Variants in DAAM1 observed in about 807,000 individuals in gnomAD.
The protein encoded by DAAM1 is dishevelled associated activator of morphogenesis 1, also known as disheveled-associated activator of morphogenesis 1.
Under a neutral mutation model 130.0 loss-of-function variants are expected in DAAM1, and 52 were observed. The ratio of observed to expected loss-of-function variants is 0.40; its 90% CI spans 0.32 to 0.50. DAAM1 has a LOEUF of 0.50. DAAM1 is among the 20% of genes least tolerant of loss of function. The probability of loss-of-function intolerance (pLI) is 0.61; values close to 1 mark genes in which losing one functional copy is unlikely to be tolerated. For synonymous variants in DAAM1, 452 were observed against 444.5 expected, an observed-to-expected ratio of 1.02 and a Z score of -0.21; for missense variants, 1,134 against 1,303.8, an observed-to-expected ratio of 0.87 and a Z score of 2.01.
At chr14:59,228,370 C>G (rs1889005511) in intron 1 of DAAM1, among the ~76,000 whole-genome samples, 1 of 152,130 alleles carries the variant, frequency 6.6e-6, no homozygotes, top group Admixed American at 6.6e-5. Context: ...AGAAATGATA[C>G]TCTTGCCCAG....
At chr14:59,207,665 GT>G (rs1260940193) in intron 1 of DAAM1, among the ~76,000 whole-genome samples, 1 of 152,188 alleles carries the variant, frequency 6.6e-6, no homozygotes, top group African/African-American at 2.4e-5. Flanking sequence ...AATGAAATTA[GT>G]TTTGAACTCA....
At position 59,369,055 on chromosome 14, in the gene DAAM1, G is replaced by A; in HGVS notation, c.*196G>A. ...TATAGATGTCTGAGTGTTGTCTGGAGACCTATACGTATGGTTAAAAAGATT... is the reference window on the plus strand; with the variant it reads ...TATAGATGTCTGAGTGTTGTCTGGAAACCTATACGTATGGTTAAAAAGATT... On this transcript the variant is annotated 3_prime_UTR_variant, in exon 25 of 25. Transcript: ENST00000360909. The A allele has an allele frequency of 7.2e-6, 4 of 557,788 alleles. No homozygotes were observed. Among genetic ancestry groups the A allele is most frequent in the Non-Finnish European group, 1.3e-5 (4 of 317,932 alleles). 34.6% of individuals were successfully genotyped at this position (557,788 alleles called of 1,614,324 possible).
chr14:59,291,377 A>G, intron 3 of DAAM1, 71 bp downstream of exon 3: 1 of 1,230,130 alleles, frequency 8.1e-7, no homozygotes. Flanking sequence ...CCATTTCACC[A>G]CTAGAATTGG....
At chr14:59,368,118 C>T (rs182760318) in intron 24 of DAAM1, among the ~76,000 whole-genome samples, 4 of 152,058 alleles carry the variant, frequency 2.6e-5, no homozygotes, top group Non-Finnish European at 5.9e-5. Flanking sequence ...AAAAAGTTCA[C>T]AGTAGTAGAA....
intron 1 of DAAM1, among the ~76,000 whole-genome samples, chr14:59,200,050 T>C (rs1233133107): frequency 6.6e-6 from 1 of 152,202 alleles, no homozygotes; most frequent in Non-Finnish European, 1.5e-5. Flanking sequence ...TGTTTTTATT[T>C]ATTTGGGCAG....
intron 1 of DAAM1, among the ~76,000 whole-genome samples, chr14:59,206,841 A>G (rs1888277102): frequency 6.6e-6 from 1 of 152,192 alleles, no homozygotes; most frequent in Non-Finnish European, 1.5e-5. Flanking sequence ...TAGGGTCTTG[A>G]CTGGGTTTGT....
At chr14:59,294,233 C>G (rs1177094723) in intron 3 of DAAM1, among the ~76,000 whole-genome samples, 2 of 152,190 alleles carry the variant, frequency 1.3e-5, no homozygotes, top group East Asian at 3.8e-4. Flanking sequence ...CAGACAGGGC[C>G]AAGCTTGGCT....
intron 1 of DAAM1, among the ~76,000 whole-genome samples, chr14:59,225,818 C>T (rs908144558): frequency 3.9e-5 from 6 of 152,028 alleles, no homozygotes; most frequent in African/African-American, 1.5e-4. Flanking sequence ...AGGGTGCTTG[C>T]GAAGATCGAA....
At chr14:59,347,678 G>T in intron 17 of DAAM1, 55 bp downstream of exon 17, 1 of 1,533,350 alleles carries the variant, frequency 6.5e-7, no homozygotes, top group Non-Finnish European at 9.0e-7. Context: ...TCAACAGGGA[G>T]AGGGATGTTG....
intron 3 of DAAM1, among the ~76,000 whole-genome samples, chr14:59,312,244 A>AT (rs766988825): frequency 6.6e-6 from 1 of 152,222 alleles, no homozygotes; most frequent in Non-Finnish European, 1.5e-5. Flanking sequence ...CTGAATGGAC[A>AT]TAACTGGAGA....
At chr14:59,289,704 C>T (rs1047649871) in intron 2 of DAAM1, among the ~76,000 whole-genome samples, 2 of 147,712 alleles carry the variant, frequency 1.4e-5, no homozygotes, top group Non-Finnish European at 3.0e-5. Context: ...GCACTATTCA[C>T]AATAGCAAAG....
intron 2 of DAAM1, chr14:59,264,647 T>G (rs2139509616): frequency 6.6e-6 from 1 of 152,312 alleles, no homozygotes; most frequent in Middle Eastern, 3.4e-3. Flanking sequence ...TTCTTTTTTT[T>G]TTTTCTTCAA....
chr14:59,263,681 C>T (rs1395979651), intron 2 of DAAM1, 21 bp downstream of exon 2: 1 of 1,611,424 alleles, frequency 6.2e-7, no homozygotes, highest in South Asian at 1.1e-5. Flanking sequence ...GTTTTCTATC[C>T]TGGCATTGGT....
At chr14:59,357,239 T>A (rs543681416) in intron 20 of DAAM1, 4 of 152,394 alleles carry the variant, frequency 2.6e-5, no homozygotes, top group Non-Finnish European at 2.9e-5. Context: ...TGTCTGTCAA[T>A]AGCAAAGCAT....
intron 3 of DAAM1, 92 bp downstream of exon 3, chr14:59,291,398 G>A (rs1215722555): frequency 2.0e-6 from 2 of 1,024,262 alleles, no homozygotes; most frequent in East Asian, 5.3e-5. Flanking sequence ...ACAGCTCTTT[G>A]TAATATGAAA....
In DAAM1 at chr14:59,354,044, A is replaced by T; in HGVS notation, c.2356+80A>T. On this transcript the variant is annotated intron_variant, in intron 19 of 24. Coordinates refer to ENST00000360909, the MANE Select transcript of DAAM1 (RefSeq NM_001270520.2). Reference sequence around the variant, plus strand: ...AAGTGCAATCCAAGTGCATATAGTAAACAAGATCCCCTTGGTGATTTTTTT... The same window carrying T: ...AAGTGCAATCCAAGTGCATATAGTATACAAGATCCCCTTGGTGATTTTTTT... 4 of 1,378,650 alleles carry T rather than the reference A, an allele frequency of 2.9e-6. No homozygotes were observed. The Admixed American group carries it at 8.5e-5, about 29-fold the overall frequency. The allele number at this position is 1,378,650 out of a possible 1,614,324, so 85.4% of individuals were successfully genotyped here. A position where few individuals can be genotyped will look rare whatever the true frequency, so the allele number is the denominator to read the frequency against.
chr14:59,263,388 A>T, intron 1 of DAAM1, 53 bp from the exon 2 acceptor site: 1 of 1,521,490 alleles, frequency 6.6e-7, no homozygotes, highest in Non-Finnish European at 9.0e-7. Flanking sequence ...GCCTTTTAAA[A>T]ATCATTTTAT....
intron 3 of DAAM1, among the ~76,000 whole-genome samples, chr14:59,294,754 C>T (rs1028403572): frequency 6.6e-6 from 1 of 152,146 alleles, no homozygotes; most frequent in Non-Finnish European, 1.5e-5. Flanking sequence ...CATCTGTTAA[C>T]AATCTCTTGG....
In DAAM1 at chr14:59,358,658, C is replaced by T. The variant is rs754470275; in HGVS notation, c.2526-739C>T. 8.5e-5 allele frequency among the ~76,000 whole-genome samples: 13 copies of T among 152,178 alleles called. 1 individual carries two copies. The South Asian group carries it at 1.5e-3, about 17-fold the overall frequency. ...AGGAGTTGGGGACCATCCTGACCAACATGGTGAAACCCTGTCTCTACTGAA... is the reference window on the plus strand; with the variant it reads ...AGGAGTTGGGGACCATCCTGACCAATATGGTGAAACCCTGTCTCTACTGAA... On this transcript the variant is annotated intron_variant, in intron 20 of 24. Coordinates refer to ENST00000360909, the MANE Select transcript of DAAM1 (RefSeq NM_001270520.2).
Sources: gnomAD v4.1 joint callset for allele counts (sites outside exome capture counted in the v4.1 genomes callset) on GRCh38, gnomAD v4.1.1 for gene constraint, MANE v1.5 for transcripts, NCBI Gene and HGNC (gene_info 2026-07-23, HGNC 2026-07-21) for gene names.